The following DHX37 variants were observed in gnomAD, a reference collection of about 807,000 sequenced individuals.
The protein encoded by DHX37 is DEAH-box helicase 37, also known as probable ATP-dependent RNA helicase DHX37.
DHX37 carries 52 observed loss-of-function variants against 134.3 expected under a neutral mutation model. The ratio of observed to expected loss-of-function variants is 0.39; its 90% CI spans 0.31 to 0.49. The LOEUF (loss-of-function observed/expected upper bound fraction) is 0.49. Among genes scored for constraint, DHX37 ranks in the 20% least tolerant of loss-of-function variants. The pLI, the probability that DHX37 is intolerant of heterozygous loss-of-function variation, is 0.93. For synonymous variants in DHX37, 634 were observed against 670.7 expected, an observed-to-expected ratio of 0.95 and a Z score of 0.85; for missense variants, 1,344 against 1,580.8, an observed-to-expected ratio of 0.85 and a Z score of 2.54.
In DHX37 at chr12:124,949,963, G is replaced by A. The variant is rs117044734; in HGVS notation, c.3290+23C>T. On this transcript the variant is annotated intron_variant, in intron 25 of 26. Coordinates refer to ENST00000308736, the MANE Select transcript of DHX37 (RefSeq NM_032656.4). The surrounding 1 kb of genome is among the most constrained non-coding windows in gnomAD (Gnocchi z 4.0). ...GCCTCGGACCCCTCCTGCCCACTGCGAGGCTCCCACCGAAGGCAGTACCTG... is the reference window on the plus strand; with the variant it reads ...GCCTCGGACCCCTCCTGCCCACTGCAAGGCTCCCACCGAAGGCAGTACCTG... 34,426 of 1,594,970 alleles carry A rather than the reference G, an allele frequency of 0.022. 442 individuals are homozygous for A. Among genetic ancestry groups the A allele is most frequent in the Non-Finnish European group, 0.026 (30,934 of 1,168,720 alleles).
intron 12 of DHX37, 141 bp downstream of exon 12, chr12:124,966,652 C>T (rs1229212587): frequency 2.3e-6 from 2 of 866,824 alleles, no homozygotes; most frequent in East Asian, 5.2e-5. Flanking sequence ...GCATGAGCCA[C>T]TGTGCCTGAC....
In DHX37 at chr12:124,949,666, G is replaced by A. The variant is rs1040712433; in HGVS notation, c.3290+320C>T. On this transcript the variant is annotated intron_variant, in intron 25 of 26. Transcript: ENST00000308736. This position sits in a 1 kb window ranked among gnomAD's most constrained non-coding sequence, Gnocchi z 4.0. Reference sequence around the variant, plus strand: ...GAGAGGTCATCCTGGAGTAGGGTGGGCCCTGAATACAATGACTGGTGTCCT... The same window carrying A: ...GAGAGGTCATCCTGGAGTAGGGTGGACCCTGAATACAATGACTGGTGTCCT... Among the ~76,000 whole-genome samples the A allele has an allele frequency of 6.6e-6, 1 of 152,174 alleles. No individual in the cohort carries two copies. The highest frequency in any genetic ancestry group is 1.5e-5 in the Non-Finnish European group (1 of 68,022).
intron 1 of DHX37, 132 bp from the exon 2 acceptor site, chr12:124,986,397 C>G (rs1954873332): frequency 1.0e-6 from 1 of 1,004,560 alleles, no homozygotes; most frequent in Non-Finnish European, 1.5e-6. Context: ...GAGCTCAAAT[C>G]TATTTTCATA....
In DHX37 at chr12:124,976,978, C is replaced by T. The variant is rs368979037; in HGVS notation, c.887+364G>A. Among the ~76,000 whole-genome samples the T allele has an allele frequency of 2.0e-4, 29 of 147,192 alleles. No homozygotes were observed. In the East Asian group the frequency reaches 3.2e-3, roughly 16 times the overall value. ...AGGAGAATCACTTGAACCCGGGAGGCGGAGTTGCAGTGAGCCAATATCACA... is the reference window on the plus strand; with the variant it reads ...AGGAGAATCACTTGAACCCGGGAGGTGGAGTTGCAGTGAGCCAATATCACA... On this transcript the variant is annotated intron_variant, in intron 5 of 26. Coordinates refer to ENST00000308736, the MANE Select transcript of DHX37 (RefSeq NM_032656.4).
At chr12:124,964,896 C>T (rs1267886666) in intron 14 of DHX37, 34 bp downstream of exon 14, 1 of 1,564,070 alleles carries the variant, frequency 6.4e-7, no homozygotes, top group Non-Finnish European at 8.7e-7. Context: ...CTTAAAAGTG[C>T]CCCAAAAGCT....
intron 20 of DHX37, chr12:124,952,830 T>C: frequency 3.2e-6 from 1 of 308,304 alleles, no homozygotes. Context: ...GAGACAGCCC[T>C]CCCCTAACAC....
Position 124,950,443 on chromosome 12 carries a change from G to C in DHX37, c.3091C>G (p.Arg1031Gly), listed in dbSNP as rs376946837. 6.3e-7 allele frequency: 1 copy of C among 1,592,436 alleles called. No individual in the cohort carries two copies. The change falls in exon 23 of 27, where the codon CGG becomes GGG. Residue 1031 changes from arginine to glycine, a missense_variant. Arg to Gly is a moderately radical substitution (Grantham distance 125). This residue lies in a region of DHX37 where 558 missense variants were observed against 650.0 expected (regional missense o/e 0.86). Coordinates refer to ENST00000308736, the MANE Select transcript of DHX37 (RefSeq NM_032656.4). ...PAPTYCPERGRVLCHRASVFY... is the reference protein window; with the variant it reads ...PAPTYCPERGGVLCHRASVFY... ...ACGCTGGCCCGGTGACACAGCACCC[G>C]CCCCCGCTCGGGGCAGTATGTAGGG...
intron 2 of DHX37, among the ~76,000 whole-genome samples, chr12:124,984,141 CG>C (rs1038781362): frequency 1.2e-4 from 19 of 152,280 alleles, no homozygotes; most frequent in African/African-American, 3.9e-4. Flanking sequence ...CCTGGGGCAG[CG>C]GGGGGCGGCG....
intron 18 of DHX37, 120 bp from the exon 19 acceptor site, chr12:124,954,331 G>A: frequency 7.1e-7 from 1 of 1,404,128 alleles, no homozygotes; most frequent in Non-Finnish European, 9.4e-7. Context: ...ACTGATGAAT[G>A]TAATTAAGGT....
intron 15 of DHX37, among the ~76,000 whole-genome samples, chr12:124,961,208 GTGCACGCACGCA>G (rs2135940295): frequency 9.8e-6 from 1 of 102,188 alleles, no homozygotes; most frequent in Middle Eastern, 5.8e-3. Flanking sequence ...ACATACACGT[GTGCACGCACGCA>G]CACGCACGCA....
Position 124,952,573 on chromosome 12 carries a change from G to A in DHX37, c.2696-3C>T. On this transcript the variant is annotated splice_polypyrimidine_tract_variant and splice_region_variant and intron_variant, in intron 20 of 26. Coordinates refer to ENST00000308736, the MANE Select transcript of DHX37 (RefSeq NM_032656.4). ...AGCCTCGGGGCACACGGCATTGACT[G>A]AGGGGAGAACCAAGAGTGAGGTCGG... The A allele has an allele frequency of 6.3e-7, 1 of 1,576,182 alleles. No individual in the cohort carries two copies. Among genetic ancestry groups the A allele is most frequent in the Non-Finnish European group, 8.6e-7 (1 of 1,156,138 alleles).
intron 16 of DHX37, among the ~76,000 whole-genome samples, chr12:124,958,213 CTG>C (rs1954142494): frequency 6.6e-6 from 1 of 152,318 alleles, no homozygotes; most frequent in Middle Eastern, 3.4e-3. Flanking sequence ...CAATGGGTGA[CTG>C]TGTGGTGCCT....
chr12:124,962,854 A>T (rs1954295148), intron 15 of DHX37, among the ~76,000 whole-genome samples: 1 of 152,144 alleles, frequency 6.6e-6, no homozygotes, highest in Non-Finnish European at 1.5e-5. Flanking sequence ...AAAAAATTAA[A>T]AAGTGCTGGT....
rs1732636323 is a variant in DHX37, at chr12:124,950,702, T to C, written c.2971A>G (p.Met991Val). 6.2e-7 allele frequency: 1 copy of C among 1,612,470 alleles called. No individual in the cohort carries two copies. Residue 991 changes from methionine (M) to valine (V), a missense_variant, in exon 22 of 27, where the codon ATG becomes GTG. Met to Val is a conservative substitution (Grantham distance 21). Coordinates refer to ENST00000308736, the MANE Select transcript of DHX37 (RefSeq NM_032656.4). ...CAGGCCTCGGCACCTTTCATGTACATCTTAGTGGTCTCCACGATTTCCTGG... is the reference window on the plus strand; with the variant it reads ...CAGGCCTCGGCACCTTTCATGTACACCTTAGTGGTCTCCACGATTTCCTGG... ...VYQEIVETTK[M>V]YMKGVSSVEV...
intron 25 of DHX37, 62 bp from the exon 26 acceptor site, chr12:124,948,243 G>C (rs1329988579): frequency 3.8e-6 from 6 of 1,566,516 alleles, no homozygotes; most frequent in African/African-American, 2.7e-5. Flanking sequence ...TGCTGCTGGG[G>C]GCCCGAAAGC....
At chr12:124,959,422 C>T (rs1291887778) in intron 16 of DHX37, among the ~76,000 whole-genome samples, 2 of 151,834 alleles carry the variant, frequency 1.3e-5, no homozygotes, top group African/African-American at 2.4e-5. Context: ...GGGGTTTTGC[C>T]ATGTTAGCCA....
intron 4 of DHX37, among the ~76,000 whole-genome samples, chr12:124,978,117 C>G (rs961136850): frequency 6.7e-6 from 1 of 149,098 alleles, no homozygotes; most frequent in African/African-American, 2.5e-5. Context: ...CATGCCACCA[C>G]GCCCAGCTAA....
intron 10 of DHX37, among the ~76,000 whole-genome samples, chr12:124,967,473 G>A (rs147885229): frequency 3.9e-5 from 6 of 152,302 alleles, no homozygotes; most frequent in Non-Finnish European, 2.9e-5. Flanking sequence ...CCTGAGAAGC[G>A]TGCTCACACG....
rs1954483353 is a variant in DHX37, at chr12:124,970,106, G to A, written c.1192-1138C>T. Among the ~76,000 whole-genome samples, 4 of 152,198 alleles carry A rather than the reference G, an allele frequency of 2.6e-5. No homozygotes were observed. In the South Asian group the frequency reaches 8.3e-4, roughly 31 times the overall value. Reference sequence around the variant, plus strand: ...TCCTGCCTCAGCCTCCCGAGTAGTTGAGATTACAGGTGTGCGCCACCAGGC... The same window carrying A: ...TCCTGCCTCAGCCTCCCGAGTAGTTAAGATTACAGGTGTGCGCCACCAGGC... On this transcript the variant is annotated intron_variant, in intron 8 of 26. Transcript: ENST00000308736.
Sources: allele counts gnomAD v4.1 joint callset (sites outside exome capture counted in the v4.1 genomes callset), GRCh38; gene constraint gnomAD v4.1.1; regional missense constraint gnomAD v4.1.1; non-coding constraint Gnocchi (gnomAD v3.1); transcripts MANE v1.5; gene names NCBI Gene and HGNC (gene_info 2026-07-23, HGNC 2026-07-21).